CSMD1: variants seen among roughly 807,000 people sequenced by gnomAD.
CSMD1 encodes CUB and sushi domain-containing protein 1.
CSMD1 carries 213 observed loss-of-function variants against 417.5 expected under a neutral mutation model. The observed-to-expected ratio is 0.51, with a 90% confidence interval of 0.46 to 0.57. The LOEUF (loss-of-function observed/expected upper bound fraction) is 0.57. Ranked by LOEUF, CSMD1 falls within the 20% of genes least tolerant of loss-of-function variation. The pLI is 0.00. For missense variants in CSMD1, 6,923 were observed against 4,529.7 expected (o/e 1.53, Z -15.17); for synonymous variants, 2,862 against 1,736.8 (o/e 1.65, Z -16.11).
chr8:4,619,643 G>A (rs1801658936), intron 2 of CSMD1, among the ~76,000 whole-genome samples: 2 of 151,946 alleles, frequency 1.3e-5, no homozygotes, highest in African/African-American at 2.4e-5. Flanking sequence ...TAGCCACATG[G>A]GACGTCATAT....
At chr8:4,723,666 T>C (rs1157846507) in intron 1 of CSMD1, among the ~76,000 whole-genome samples, 1 of 151,862 alleles carries the variant, frequency 6.6e-6, no homozygotes, top group African/African-American at 2.4e-5. Context: ...TCTTTCTCAG[T>C]TTTTACCACA....
intron 12 of CSMD1, among the ~76,000 whole-genome samples, chr8:3,430,211 C>A (rs765701701): frequency 2.0e-5 from 3 of 152,162 alleles, no homozygotes; most frequent in Non-Finnish European, 4.4e-5. Context: ...ACATCTTCCA[C>A]TGATATGTAG....
intron 23 of CSMD1, among the ~76,000 whole-genome samples, chr8:3,331,893 CAGAG>C (rs1450423230): frequency 1.3e-5 from 2 of 152,080 alleles, no homozygotes; most frequent in Non-Finnish European, 1.5e-5. Context: ...TCCTGTCCTC[CAGAG>C]AGAAATTCAG....
intron 10 of CSMD1, among the ~76,000 whole-genome samples, chr8:3,519,162 A>G (rs556712781): frequency 2.0e-5 from 3 of 152,324 alleles, no homozygotes; most frequent in Non-Finnish European, 2.9e-5. Context: ...TTAATAAGCT[A>G]AAAATTCCTT....
intron 1 of CSMD1, among the ~76,000 whole-genome samples, chr8:4,746,646 G>C (rs564064734): frequency 1.3e-5 from 2 of 152,226 alleles, no homozygotes; most frequent in African/African-American, 4.8e-5. Context: ...ATCCAACCTG[G>C]GCAGCACAAA....
intron 3 of CSMD1, among the ~76,000 whole-genome samples, chr8:4,209,517 G>A (rs1256569737): frequency 6.6e-6 from 1 of 152,150 alleles, no homozygotes; most frequent in African/African-American, 2.4e-5. Context: ...CCTCCTCTCT[G>A]GGAAACAGGA....
At chr8:3,154,932 A>G (rs528666015) in intron 39 of CSMD1, among the ~76,000 whole-genome samples, 5 of 152,286 alleles carry the variant, frequency 3.3e-5, no homozygotes, top group Admixed American at 3.3e-4. Context: ...CAGCTACAAA[A>G]AACCTTTTAA....
chr8:4,110,289 T>A (rs1275817727), intron 3 of CSMD1, among the ~76,000 whole-genome samples: 1 of 152,170 alleles, frequency 6.6e-6, no homozygotes, highest in Non-Finnish European at 1.5e-5. Context: ...AGAAGCAATT[T>A]TAATTTATTT....
At chr8:3,765,505 T>A (rs891018380) in intron 5 of CSMD1, among the ~76,000 whole-genome samples, 1 of 152,238 alleles carries the variant, frequency 6.6e-6, no homozygotes. Context: ...ACTGAGGGCA[T>A]TGGTGCTAAC....
chr8:3,856,007 T>C (rs1804283748), intron 5 of CSMD1, among the ~76,000 whole-genome samples: 1 of 152,168 alleles, frequency 6.6e-6, no homozygotes, highest in Admixed American at 6.5e-5. Flanking sequence ...TTTTTTGTTT[T>C]TTATATCTAG....
intron 3 of CSMD1, among the ~76,000 whole-genome samples, chr8:4,256,615 G>C (rs563810950): frequency 9.2e-5 from 14 of 152,148 alleles, no homozygotes; most frequent in South Asian, 2.1e-4. Flanking sequence ...ACCACCTTGA[G>C]AATCAGTGAG....
intron 1 of CSMD1, among the ~76,000 whole-genome samples, chr8:4,728,477 G>C (rs1370079533): frequency 6.6e-6 from 1 of 152,170 alleles, no homozygotes; most frequent in African/African-American, 2.4e-5. Flanking sequence ...ACAGCAGAGT[G>C]CTGCCATGTA....
At chr8:3,952,558 C>T (rs1236908834) in intron 5 of CSMD1, among the ~76,000 whole-genome samples, 1 of 152,040 alleles carries the variant, frequency 6.6e-6, no homozygotes, top group Non-Finnish European at 1.5e-5. Flanking sequence ...TATAAATTCA[C>T]AGAGGCAGAA....
At chr8:4,231,732 G>A (rs1296741794) in intron 3 of CSMD1, among the ~76,000 whole-genome samples, 27 of 152,102 alleles carry the variant, frequency 1.8e-4, no homozygotes, top group Admixed American at 1.5e-3. Context: ...TGGTAGTGAT[G>A]GACCATGGAA....
intron 1 of CSMD1, among the ~76,000 whole-genome samples, chr8:4,752,116 C>A (rs1340307949): frequency 3.3e-5 from 5 of 151,882 alleles, no homozygotes; most frequent in African/African-American, 1.2e-4. Flanking sequence ...ATATATATAT[C>A]ACATGTATAT....
intron 3 of CSMD1, among the ~76,000 whole-genome samples, chr8:4,199,994 G>C (rs968284410): frequency 1.3e-5 from 2 of 152,134 alleles, no homozygotes; most frequent in South Asian, 2.1e-4. Flanking sequence ...ACTATTAAAA[G>C]TTCAAGGGCC....
intron 42 of CSMD1, among the ~76,000 whole-genome samples, chr8:3,116,099 C>G (rs1816851073): frequency 6.6e-6 from 1 of 152,128 alleles, no homozygotes; most frequent in South Asian, 2.1e-4. Context: ...GAAGCAACGA[C>G]TTTTTTAAGA....
At chr8:4,499,293 C>G (rs1026815937) in intron 2 of CSMD1, among the ~76,000 whole-genome samples, 7 of 152,134 alleles carry the variant, frequency 4.6e-5, no homozygotes, top group Non-Finnish European at 7.4e-5. Flanking sequence ...TAAAAGACGT[C>G]ATGAAAAACG....
Position 3,223,792 on chromosome 8 carries a change from C to T in CSMD1, c.4421G>A (p.Gly1474Glu). Residue 1474 changes from glycine (G) to glutamate (E), a missense_variant, in exon 28 of 70, where the codon GGG becomes GAG. By Grantham distance (98) the Gly-to-Glu change is moderately conservative (BLOSUM62 -2). Transcript: ENST00000635120. ...SPNYPQPYPP[G>E]KECDWRVKVN... ...TTTTACTCTCCAGTCACATTCCTTC[C>T]CAGGAGGATACGGCTGTGGGTAGTT... 1 of 1,613,834 alleles carries T rather than the reference C, an allele frequency of 6.2e-7. No individual in the cohort carries two copies. The highest frequency in any genetic ancestry group is 8.5e-7 in the Non-Finnish European group (1 of 1,179,824).
Sources: allele counts gnomAD v4.1 joint callset (sites outside exome capture counted in the v4.1 genomes callset), GRCh38; gene constraint gnomAD v4.1.1; transcripts MANE v1.5; gene names NCBI Gene and HGNC (gene_info 2026-07-23, HGNC 2026-07-21).